Variants in CACNA1D observed in about 807,000 individuals in gnomAD.
CACNA1D encodes calcium voltage-gated channel subunit alpha1 D.
CACNA1D carries 55 observed loss-of-function variants against 257.1 expected under a neutral mutation model. That is an observed-to-expected ratio of 0.21 (90% CI 0.17 to 0.27). The LOEUF is 0.27. Ranked by LOEUF, CACNA1D falls within the 10% of genes least tolerant of loss-of-function variation. The probability of loss-of-function intolerance (pLI) is 1.00; values close to 1 mark genes in which losing one functional copy is unlikely to be tolerated. For synonymous variants in CACNA1D, 980 were observed against 1,014.9 expected (o/e 0.97, Z 0.65); for missense variants, 1,876 against 2,784.0 (o/e 0.67, Z 7.34).
At chr3:53,681,317 C>T (rs577172860) in intron 8 of CACNA1D, among the ~76,000 whole-genome samples, 74 of 152,288 alleles carry the variant, frequency 4.9e-4, no homozygotes, top group Middle Eastern at 3.4e-3. Context: ...GAGGGCTTTC[C>T]GGATGACATT....
chr3:53,563,517 G>T (rs1406961155), intron 3 of CACNA1D, among the ~76,000 whole-genome samples: 3 of 141,074 alleles, frequency 2.1e-5, no homozygotes, highest in African/African-American at 2.7e-5. Flanking sequence ...GCCTGGGTGA[G>T]GGCGAGACTC....
chr3:53,800,218 C>A lies in CACNA1D; in HGVS notation c.4924-31C>A. The A allele has an allele frequency of 6.7e-7, 1 of 1,498,490 alleles. No homozygotes were observed. The highest frequency in any genetic ancestry group is 9.3e-7 in the Non-Finnish European group (1 of 1,074,382). The allele number at this position is 1,498,490 out of a possible 1,614,324, so 92.8% of individuals were successfully genotyped here. A position where few individuals can be genotyped will look rare whatever the true frequency, so the allele number is the denominator to read the frequency against. On this transcript the variant is annotated intron_variant, in intron 40 of 47. Coordinates refer to ENST00000350061, the MANE Select transcript of CACNA1D (RefSeq NM_001128840.3). The surrounding 1 kb of genome is among the most constrained non-coding windows in gnomAD (Gnocchi z 4.3). ...GCTGGCCCCAGGGCCCATGTGTGGT[C>A]TAACCTGTTCTGCCATTTTCATTGA...
chr3:53,792,900 G>A (rs928739711), intron 40 of CACNA1D, among the ~76,000 whole-genome samples: 5 of 152,224 alleles, frequency 3.3e-5, no homozygotes, highest in African/African-American at 7.2e-5. Flanking sequence ...ATGTGTATAA[G>A]TGTGCAGACT....
At chr3:53,538,357 G>C (rs1235866688) in intron 3 of CACNA1D, among the ~76,000 whole-genome samples, 1 of 151,864 alleles carries the variant, frequency 6.6e-6, no homozygotes, top group East Asian at 1.9e-4. Flanking sequence ...GGGTTTCACT[G>C]TGTTGCCCAG....
At chr3:53,743,921 C>T (rs1441191978) in intron 22 of CACNA1D, among the ~76,000 whole-genome samples, 1 of 152,122 alleles carries the variant, frequency 6.6e-6, no homozygotes, top group Non-Finnish European at 1.5e-5. Flanking sequence ...ATCCTTCTCG[C>T]CTGCCACTGA....
intron 9 of CACNA1D, among the ~76,000 whole-genome samples, chr3:53,708,044 G>T (rs2094710465): frequency 6.6e-6 from 1 of 152,204 alleles, no homozygotes; most frequent in Non-Finnish European, 1.5e-5. Context: ...CCTGCCCGGG[G>T]ACTCTGCCAC....
intron 3 of CACNA1D, among the ~76,000 whole-genome samples, chr3:53,607,396 T>C (rs2093525533): frequency 6.6e-6 from 1 of 152,228 alleles, no homozygotes; most frequent in Admixed American, 6.5e-5. Flanking sequence ...ACATGGACCC[T>C]TAAAATCAGA....
intron 3 of CACNA1D, among the ~76,000 whole-genome samples, chr3:53,643,463 CA>C (rs1009508229): frequency 1.5e-4 from 23 of 151,932 alleles, no homozygotes; most frequent in African/African-American, 5.6e-4. Flanking sequence ...TCAGCAAGCC[CA>C]GCCTGAATGT....
intron 3 of CACNA1D, among the ~76,000 whole-genome samples, chr3:53,610,210 G>A (rs2093566399): frequency 6.6e-6 from 1 of 152,154 alleles, no homozygotes; most frequent in African/African-American, 2.4e-5. Context: ...TTATTGGGCT[G>A]TTAATGGGTA....
At chr3:53,657,751 A>G (rs551234548) in intron 4 of CACNA1D, among the ~76,000 whole-genome samples, 2 of 152,368 alleles carry the variant, frequency 1.3e-5, no homozygotes, top group South Asian at 4.1e-4. Context: ...ACAGTTTCCA[A>G]CTACAGTCTG....
intron 3 of CACNA1D, among the ~76,000 whole-genome samples, chr3:53,612,041 C>A (rs1029366945): frequency 3.9e-5 from 6 of 152,174 alleles, no homozygotes; most frequent in Admixed American, 3.9e-4. Context: ...TAAACATCTT[C>A]ATTTCTAGAA....
chr3:53,803,493 GACCCCC>G lies in CACNA1D; in HGVS notation c.5509_5514del (p.Pro1837_His1838del), dbSNP rs1318463944. 5 of 1,613,758 alleles carry G rather than the reference GACCCCC, an allele frequency of 3.1e-6. No homozygotes were observed. The highest frequency in any genetic ancestry group is 4.2e-6 in the Non-Finnish European group (5 of 1,179,726). ...CCCAGAGATACATGGCTATTTCAGG[GACCCCC>G]ACTGCTTGGGGGAGCAGGAGTATTT... On this transcript the variant is annotated inframe_deletion, in exon 44 of 48. Coordinates refer to ENST00000350061, the MANE Select transcript of CACNA1D (RefSeq NM_001128840.3).
chr3:53,762,288 C>A (rs1410188882), intron 30 of CACNA1D, among the ~76,000 whole-genome samples: 2 of 152,220 alleles, frequency 1.3e-5, no homozygotes, highest in African/African-American at 4.8e-5. Context: ...CACAAATCAC[C>A]TTTTGGAGGA....
At chr3:53,666,673 T>C (rs1222897041) in intron 7 of CACNA1D, 138 bp downstream of exon 7, 1 of 772,992 alleles carries the variant, frequency 1.3e-6, no homozygotes, top group Admixed American at 1.9e-5. Flanking sequence ...ATGCTGTCTT[T>C]ACCAGCAGTC....
At chr3:53,546,704 G>A (rs747739915) in intron 3 of CACNA1D, among the ~76,000 whole-genome samples, 1 of 152,182 alleles carries the variant, frequency 6.6e-6, no homozygotes, top group Non-Finnish European at 1.5e-5. Flanking sequence ...CAACTTACCA[G>A]CATGGTTCCA....
intron 3 of CACNA1D, among the ~76,000 whole-genome samples, chr3:53,619,362 A>T (rs2093671398): frequency 6.6e-6 from 1 of 152,202 alleles, no homozygotes; most frequent in South Asian, 2.1e-4. Context: ...TGTGAAGATC[A>T]TAGGTTCAGG....
chr3:53,619,328 C>T (rs926302687), intron 3 of CACNA1D, among the ~76,000 whole-genome samples: 1 of 152,172 alleles, frequency 6.6e-6, no homozygotes, highest in Non-Finnish European at 1.5e-5. Context: ...GGAAAAATCC[C>T]CATTTTCTTT....
intron 12 of CACNA1D, 125 bp downstream of exon 12, chr3:53,722,599 T>A: frequency 2.0e-6 from 2 of 1,009,154 alleles, no homozygotes; most frequent in Non-Finnish European, 1.6e-6. Flanking sequence ...AGGACAAACT[T>A]GGTAGAACCA....
chr3:53,572,649 A>AT (rs2092969043), intron 3 of CACNA1D, among the ~76,000 whole-genome samples: 1 of 152,000 alleles, frequency 6.6e-6, no homozygotes, highest in Non-Finnish European at 1.5e-5. Context: ...ATCCACCCGC[A>AT]TTGGCCTCTC....
Sources: gnomAD v4.1 joint callset for allele counts (sites outside exome capture counted in the v4.1 genomes callset) on GRCh38, gnomAD v4.1.1 for gene constraint, Gnocchi (gnomAD v3.1) non-coding constraint, MANE v1.5 for transcripts, NCBI Gene and HGNC (gene_info 2026-07-23, HGNC 2026-07-21) for gene names.